MAF: variants seen among roughly 807,000 people sequenced by gnomAD.
The protein encoded by MAF is transcription factor Maf.
A neutral mutation model predicts 22.0 loss-of-function variants in MAF; 10 were observed. The observed-to-expected ratio is 0.45, with a 90% CI of 0.28 to 0.77. The LOEUF is 0.77. MAF is among the 30% of genes least tolerant of loss of function. The pLI is 0.12. For missense variants in MAF, 544 were observed against 548.4 expected, an observed-to-expected ratio of 0.99 and a Z score of 0.08; for synonymous variants, 337 against 255.8, an observed-to-expected ratio of 1.32 and a Z score of -3.03.
chr16:79,488,112 C>T, the MAF span, among the ~76,000 whole-genome samples: 29 of 152,192 alleles, frequency 1.9e-4, no homozygotes, highest in African/African-American at 6.3e-4. Flanking sequence ...CGCATTGGCA[C>T]GCCTGGCGCT....
chr16:79,449,954 G>A, the MAF span, among the ~76,000 whole-genome samples: 2 of 152,176 alleles, frequency 1.3e-5, no homozygotes, highest in Admixed American at 1.3e-4. Flanking sequence ...CTTTTAAGAT[G>A]GGCAGAAATT....
the MAF span, among the ~76,000 whole-genome samples, chr16:79,335,637 G>A: frequency 6.6e-6 from 1 of 152,154 alleles, no homozygotes; most frequent in African/African-American, 2.4e-5. Flanking sequence ...AAGGGGAAGG[G>A]AGGCAGTGAT....
the MAF span, among the ~76,000 whole-genome samples, chr16:79,377,447 A>G: frequency 6.6e-6 from 1 of 152,120 alleles, no homozygotes; most frequent in Non-Finnish European, 1.5e-5. Context: ...AGATGAGTAG[A>G]TTGCAAAAAT....
the MAF span, among the ~76,000 whole-genome samples, chr16:79,228,993 T>C: frequency 6.6e-6 from 1 of 151,786 alleles, no homozygotes; most frequent in Non-Finnish European, 1.5e-5. Context: ...CACACATCCA[T>C]CAGAGCACAA....
At chr16:79,422,020 C>T in the MAF span, among the ~76,000 whole-genome samples, 1 of 152,260 alleles carries the variant, frequency 6.6e-6, no homozygotes, top group East Asian at 1.9e-4. Context: ...TCAGGTGATC[C>T]ACCCGCCTTG....
At chr16:79,206,711 C>G in the MAF span, 60,409 of 151,962 alleles carry the variant, frequency 0.4, 14,258 homozygotes, top group Non-Finnish European at 0.55. Flanking sequence ...TTGGTGTGTT[C>G]GTTGGTTAGC....
the MAF span, among the ~76,000 whole-genome samples, chr16:79,267,332 G>A: frequency 5.3e-5 from 8 of 152,304 alleles, no homozygotes; most frequent in South Asian, 2.1e-4. Flanking sequence ...AGTGGTTCAC[G>A]TGGTTACTGC....
At chr16:79,598,581 G>GGTGTGTGTGTGTGTGT (rs5818250) in intron 1 of MAF, 2 of 1,409,630 alleles carry the variant, frequency 1.4e-6, no homozygotes, top group Non-Finnish European at 9.3e-7. Flanking sequence ...CAGGGTGTGG[G>GGTGTGTGTGTGTGTGT]GTGTGTGTGT....
the MAF span, among the ~76,000 whole-genome samples, chr16:79,536,977 A>T: frequency 6.6e-6 from 1 of 152,174 alleles, no homozygotes; most frequent in East Asian, 1.9e-4. Context: ...GTCAGTAGAG[A>T]GACCTTTTAT....
chr16:79,404,168 T>C, the MAF span, among the ~76,000 whole-genome samples: 4 of 149,958 alleles, frequency 2.7e-5, no homozygotes, highest in African/African-American at 4.9e-5. Flanking sequence ...GATTTTCTTT[T>C]TTTTTTTTTT....
chr16:79,249,391 C>G, the MAF span, among the ~76,000 whole-genome samples: 1 of 148,278 alleles, frequency 6.7e-6, no homozygotes, highest in African/African-American at 2.5e-5. Flanking sequence ...TGCACTCCAG[C>G]CTGGGTGACA....
the MAF span, among the ~76,000 whole-genome samples, chr16:79,556,125 C>G: frequency 6.6e-6 from 1 of 152,076 alleles, no homozygotes; most frequent in Non-Finnish European, 1.5e-5. Flanking sequence ...TAATAATCAG[C>G]TTGCAAAATT....
At chr16:79,517,029 T>A in the MAF span, among the ~76,000 whole-genome samples, 1 of 150,294 alleles carries the variant, frequency 6.7e-6, no homozygotes, top group Non-Finnish European at 1.5e-5. Flanking sequence ...AGTTTTTTTA[T>A]TTTTTTTTTC....
chr16:79,530,300 G>A, the MAF span, among the ~76,000 whole-genome samples: 1 of 152,150 alleles, frequency 6.6e-6, no homozygotes, highest in Non-Finnish European at 1.5e-5. Flanking sequence ...GTTCAAATGG[G>A]CTGGGGGGTG....
chr16:79,302,875 G>C, the MAF span, among the ~76,000 whole-genome samples: 24 of 152,344 alleles, frequency 1.6e-4, no homozygotes, highest in African/African-American at 5.8e-4. Context: ...CAATCTGTTT[G>C]TCTGTTTAAT....
At chr16:79,408,078 CAAAAAAAAAAAAA>C in the MAF span, among the ~76,000 whole-genome samples, 1 of 81,556 alleles carries the variant, frequency 1.2e-5, no homozygotes, top group Non-Finnish European at 2.1e-5. Context: ...TTTTACCTTT[CAAAAAAAAAAAAA>C]AAAAAAAAAC....
At chr16:79,530,001 G>T in the MAF span, among the ~76,000 whole-genome samples, 1 of 151,896 alleles carries the variant, frequency 6.6e-6, no homozygotes, top group South Asian at 2.1e-4. Context: ...ATTTTCAATA[G>T]AGGATGATGC....
chr16:79,599,591 C>G lies in MAF; in HGVS notation c.312G>C (p.Glu104Asp). ...CGTCCTCGGGGCTGAAGCCCAGCGC[C>G]TCGGGGTTCAGCTGCTGCGGGTAGC... ...MTGYPQQLNPEALGFSPEDAV... is the reference protein window; with the variant it reads ...MTGYPQQLNPDALGFSPEDAV... The change falls in exon 1 of 2, where the codon GAG becomes GAC. Residue 104 changes from glutamate to aspartate, a missense_variant. Transcript: ENST00000326043. 6.2e-7 allele frequency: 1 copy of G among 1,608,064 alleles called. No homozygotes were observed. The highest frequency in any genetic ancestry group is 1.1e-5 in the South Asian group (1 of 90,128).
chr16:79,217,267 T>A, the MAF span, among the ~76,000 whole-genome samples: 1 of 152,234 alleles, frequency 6.6e-6, no homozygotes, highest in African/African-American at 2.4e-5. Flanking sequence ...AGAGTCAGGA[T>A]GTGAAGCCAG....
Sources: allele counts gnomAD v4.1 joint callset (sites outside exome capture counted in the v4.1 genomes callset), GRCh38; gene constraint gnomAD v4.1.1; transcripts MANE v1.5; gene names NCBI Gene and HGNC (gene_info 2026-07-23, HGNC 2026-07-21).